The following B3GALT5 variants were observed in gnomAD, a reference collection of about 807,000 sequenced individuals.
B3GALT5 encodes the protein UDP-Gal:betaGlcNAc beta 1,3-galactosyltransferase, polypeptide 5.
For missense variants in B3GALT5, 328 were observed against 396.6 expected (o/e 0.83, Z 1.47); for synonymous variants, 156 against 158.6 (o/e 0.98, Z 0.12).
chr21:39,624,856 T>A (rs1488353869), intron 1 of B3GALT5, among the ~76,000 whole-genome samples: 1 of 152,154 alleles, frequency 6.6e-6, no homozygotes, highest in African/African-American at 2.4e-5. Flanking sequence ...CGATAGTTTT[T>A]TTTTTTTCTT....
chr21:39,639,342 C>CTTTT (rs1433538364), intron 1 of B3GALT5, among the ~76,000 whole-genome samples: 1 of 122,502 alleles, frequency 8.2e-6, no homozygotes, highest in Non-Finnish European at 1.7e-5. Context: ...TTCTTTCTTT[C>CTTTT]TTTCTTTCCT....
intron 1 of B3GALT5, among the ~76,000 whole-genome samples, chr21:39,641,422 T>A (rs1395800077): frequency 8.5e-6 from 1 of 117,660 alleles, no homozygotes; most frequent in Non-Finnish European, 2.1e-5. Flanking sequence ...ATTCTTACTC[T>A]AACTTTGTTT....
Position 39,671,628 on chromosome 21 carries a change from G to C in B3GALT5, c.*10136G>C, listed in dbSNP as rs569570480. The C allele has an allele frequency of 1.3e-5, 2 of 152,098 alleles. No homozygotes were observed. Among genetic ancestry groups the C allele is most frequent in the Non-Finnish European group, 2.9e-5 (2 of 68,040 alleles). 9.4% of individuals were successfully genotyped at this position (152,098 alleles called of 1,614,324 possible). A position where few individuals can be genotyped will look rare whatever the true frequency, so the allele number is the denominator to read the frequency against. ...TGTTTTTATTTCTGTTTCGTTCTAC[G>C]TGACCCCAAAATCTGTATGTGAACA... is the stretch of plus-strand genomic sequence containing the variant. On this transcript the variant is annotated 3_prime_UTR_variant, in exon 4 of 4. Transcript: ENST00000684187.
rs1022224264 is a variant in B3GALT5, at chr21:39,668,567, T to A, written c.*7075T>A. 4 of 152,208 alleles carry A rather than the reference T, an allele frequency of 2.6e-5. No individual in the cohort carries two copies. The highest frequency in any genetic ancestry group is 5.9e-5 in the Non-Finnish European group (4 of 68,064). The allele number at this position is 152,208 out of a possible 1,614,324, so 9.4% of individuals were successfully genotyped here. ...ACACGTGCTCAGTGTTAGGCATTTT[T>A]TCCCCCTCCTGCTCTGAATCAATGC... On this transcript the variant is annotated 3_prime_UTR_variant, in exon 4 of 4. Transcript: ENST00000684187.
chr21:39,623,115 G>A (rs1247780656), intron 1 of B3GALT5, among the ~76,000 whole-genome samples: 8 of 74,470 alleles, frequency 1.1e-4, no homozygotes, highest in South Asian at 4.5e-4. Flanking sequence ...TCCTTCCTTC[G>A]TTCCTTCTTT....
chr21:39,648,402 C>T (rs949284793), intron 2 of B3GALT5, among the ~76,000 whole-genome samples: 1 of 152,186 alleles, frequency 6.6e-6, no homozygotes, highest in Admixed American at 6.5e-5. Flanking sequence ...CTAGCATGTG[C>T]ACCTTCTCTT....
chr21:39,613,616 TAA>T lies in B3GALT5; in HGVS notation c.-392+550_-392+551del, dbSNP rs1311178245. Reference sequence around the variant, plus strand: ...CATTGCTAAATACAGTGAGGTACCTTAAGACTCAGTAATGAACATTATTTTAA... The same window carrying T: ...CATTGCTAAATACAGTGAGGTACCTTGACTCAGTAATGAACATTATTTTAA... On this transcript the variant is annotated intron_variant, in intron 1 of 3. Coordinates refer to ENST00000684187, the MANE Select transcript of B3GALT5 (RefSeq NM_001356336.2). Among the ~76,000 whole-genome samples the T allele has an allele frequency of 2.0e-5, 3 of 152,128 alleles. No individual in the cohort carries two copies. The East Asian group carries it at 5.8e-4, about 29-fold the overall frequency.
chr21:39,639,369 TCC>T (rs1271369190), intron 1 of B3GALT5, among the ~76,000 whole-genome samples: 1 of 136,030 alleles, frequency 7.4e-6, no homozygotes, highest in Non-Finnish European at 1.6e-5. Context: ...CTTCCTTCCT[TCC>T]TTCCTTCCTT....
rs1349882699 is a variant in B3GALT5, at chr21:39,654,377, C to T, written c.-160-5376C>T. 5.9e-5 allele frequency among the ~76,000 whole-genome samples: 9 copies of T among 152,128 alleles called. 1 individual carries two copies. Among genetic ancestry groups the T allele is most frequent in the Admixed American group, 1.3e-4 (2 of 15,278 alleles). ...GATTACAGGGATGAGCCACCATGGT[C>T]GACTTCATGATAAAACTTCAGTGGA... On this transcript the variant is annotated intron_variant, in intron 2 of 3. Transcript: ENST00000684187.
At chr21:39,617,981 A>C (rs539881022) in intron 1 of B3GALT5, among the ~76,000 whole-genome samples, 1 of 147,572 alleles carries the variant, frequency 6.8e-6, no homozygotes, top group African/African-American at 2.6e-5. Flanking sequence ...CTATGAAAAA[A>C]ATAAATAAAT....
At position 39,661,500 on chromosome 21, in the gene B3GALT5, C is replaced by T; in HGVS notation, c.*8C>T. ...GATTGTCCGCCTGTCTGAGGGGAGC[C>T]CAGAGGCACATCCGGACAAGTTTCA... On this transcript the variant is annotated 3_prime_UTR_variant, in exon 4 of 4. Transcript: ENST00000684187. The surrounding 1 kb of genome is among the most constrained non-coding windows in gnomAD (Gnocchi z 4.7). 4 of 1,498,288 alleles carry T rather than the reference C, an allele frequency of 2.7e-6. No individual in the cohort carries two copies. Among genetic ancestry groups the T allele is most frequent in the Non-Finnish European group, 3.6e-6 (4 of 1,125,240 alleles). The allele number at this position is 1,498,288 out of a possible 1,614,324, so 92.8% of individuals were successfully genotyped here. A position where few individuals can be genotyped will look rare whatever the true frequency, so the allele number is the denominator to read the frequency against.
intron 2 of B3GALT5, among the ~76,000 whole-genome samples, chr21:39,649,210 A>T (rs1271381143): frequency 6.6e-6 from 1 of 152,190 alleles, no homozygotes; most frequent in Non-Finnish European, 1.5e-5. Context: ...CTCTAGACTC[A>T]TGGGCCCGTA....
intron 1 of B3GALT5, among the ~76,000 whole-genome samples, chr21:39,640,399 C>T (rs541705083): frequency 4.4e-4 from 67 of 152,244 alleles, no homozygotes; most frequent in African/African-American, 1.5e-3. Context: ...CCCCTTTCTC[C>T]CTCATGCTCC....
intron 1 of B3GALT5, among the ~76,000 whole-genome samples, chr21:39,635,942 A>C (rs954171525): frequency 6.6e-6 from 1 of 152,130 alleles, no homozygotes; most frequent in Non-Finnish European, 1.5e-5. Flanking sequence ...ATACTCCAAG[A>C]TTAGAATCTT....
At chr21:39,644,412 A>G (rs1299619528) in intron 1 of B3GALT5, among the ~76,000 whole-genome samples, 1 of 152,152 alleles carries the variant, frequency 6.6e-6, no homozygotes, top group African/African-American at 2.4e-5. Context: ...TCGCCATTTT[A>G]TTTAGGAACC....
At chr21:39,620,557 G>A (rs779633181) in intron 1 of B3GALT5, among the ~76,000 whole-genome samples, 6 of 152,082 alleles carry the variant, frequency 3.9e-5, no homozygotes, top group Non-Finnish European at 7.4e-5. Context: ...TTGAAGTTAC[G>A]CAAAGCATGT....
Position 39,615,908 on chromosome 21 carries a change from A to G in B3GALT5, c.-392+2841A>G, listed in dbSNP as rs574775456. 3.3e-5 allele frequency among the ~76,000 whole-genome samples: 5 copies of G among 152,380 alleles called. No homozygotes were observed. The South Asian group carries it at 8.3e-4, about 25-fold the overall frequency. ...AATTGTTTTGGATCAAGAATGAGGT[A>G]TGGAAAGAAGGAAACAAAACTAGTT... On this transcript the variant is annotated intron_variant, in intron 1 of 3. Coordinates refer to ENST00000684187, the MANE Select transcript of B3GALT5 (RefSeq NM_001356336.2).
intron 1 of B3GALT5, among the ~76,000 whole-genome samples, chr21:39,623,070 T>TCCTCC (rs2079142299): frequency 2.0e-5 from 3 of 148,992 alleles, no homozygotes; most frequent in Admixed American, 2.0e-4. Flanking sequence ...TCTTTTCTTT[T>TCCTCC]CCTCCCTCCC....
At chr21:39,618,015 C>T (rs536018067) in intron 1 of B3GALT5, among the ~76,000 whole-genome samples, 58 of 151,908 alleles carry the variant, frequency 3.8e-4, no homozygotes, top group African/African-American at 1.3e-3. Flanking sequence ...TTACCCCAAG[C>T]GTGGTGGCAT....
Sources: gnomAD v4.1 joint callset for allele counts (sites outside exome capture counted in the v4.1 genomes callset) on GRCh38, gnomAD v4.1.1 for gene constraint, Gnocchi (gnomAD v3.1) non-coding constraint, MANE v1.5 for transcripts, NCBI Gene and HGNC (gene_info 2026-07-23, HGNC 2026-07-21) for gene names.